DDX10: variants seen among roughly 807,000 people sequenced by gnomAD.
The protein encoded by DDX10 is probable ATP-dependent RNA helicase DDX10.
DDX10 carries 74 observed loss-of-function variants against 104.3 expected under a neutral mutation model. The observed-to-expected ratio is 0.71, with a 90% CI of 0.59 to 0.86. The LOEUF is 0.86. DDX10 is among the 40% of genes least tolerant of loss of function. The pLI, the probability that DDX10 is intolerant of heterozygous loss-of-function variation, is 0.00. For missense variants in DDX10, 952 were observed against 1,040.0 expected (o/e 0.92, Z 1.16); for synonymous variants, 351 against 353.4 (o/e 0.99, Z 0.08).
chr11:108,754,836 G>A (rs944791410), intron 13 of DDX10, among the ~76,000 whole-genome samples: 17 of 152,006 alleles, frequency 1.1e-4, no homozygotes, highest in Non-Finnish European at 2.1e-4. Context: ...TGGGCAACCA[G>A]GAGCATAACA....
chr11:108,777,625 G>A (rs544971051), intron 13 of DDX10, among the ~76,000 whole-genome samples: 1 of 152,214 alleles, frequency 6.6e-6, no homozygotes, highest in African/African-American at 2.4e-5. Flanking sequence ...GTCTGGCCAA[G>A]GGTTCCTTTT....
intron 16 of DDX10, among the ~76,000 whole-genome samples, chr11:108,854,621 GAA>G (rs1718965940): frequency 1.3e-5 from 2 of 152,170 alleles, no homozygotes; most frequent in Admixed American, 1.3e-4. Flanking sequence ...CATAGAAACT[GAA>G]AGTGTAAGAA....
chr11:108,935,850 G>C (rs938690953), intron 17 of DDX10, among the ~76,000 whole-genome samples: 3 of 152,036 alleles, frequency 2.0e-5, no homozygotes, highest in Non-Finnish European at 4.4e-5. Flanking sequence ...TGTTTTCAAT[G>C]ATAATGGTCC....
intron 13 of DDX10, among the ~76,000 whole-genome samples, chr11:108,824,647 T>C (rs985958976): frequency 6.6e-6 from 1 of 152,184 alleles, no homozygotes; most frequent in Non-Finnish European, 1.5e-5. Flanking sequence ...TCTAAATTGC[T>C]TCCAGCTGCT....
At chr11:108,767,211 T>C (rs2094357455) in intron 13 of DDX10, 1 of 152,204 alleles carries the variant, frequency 6.6e-6, no homozygotes, top group African/African-American at 2.4e-5. Flanking sequence ...GAAGTCAGCA[T>C]TGGGATTACT....
intron 10 of DDX10, among the ~76,000 whole-genome samples, chr11:108,709,157 C>T (rs2094280658): frequency 6.6e-6 from 1 of 152,106 alleles, no homozygotes. Context: ...GACATCATTG[C>T]TTTTTTCCTG....
chr11:108,717,407 T>G (rs2094292899), intron 11 of DDX10, among the ~76,000 whole-genome samples: 1 of 152,196 alleles, frequency 6.6e-6, no homozygotes, highest in South Asian at 2.1e-4. Flanking sequence ...CCTCCCGGGT[T>G]CAGGTGATTC....
At chr11:108,764,231 G>C (rs2094353922) in intron 13 of DDX10, among the ~76,000 whole-genome samples, 3 of 152,186 alleles carry the variant, frequency 2.0e-5, no homozygotes, top group African/African-American at 7.2e-5. Context: ...ATCTTCCAGT[G>C]AATTTTGGGT....
chr11:108,717,332 G>C (rs147707399), intron 11 of DDX10, among the ~76,000 whole-genome samples: 2 of 152,124 alleles, frequency 1.3e-5, no homozygotes, highest in East Asian at 3.8e-4. Context: ...TTTTTGATAC[G>C]CAGTTTCGCT....
intron 1 of DDX10, among the ~76,000 whole-genome samples, chr11:108,670,718 T>C (rs1217147606): frequency 6.6e-6 from 1 of 152,166 alleles, no homozygotes; most frequent in Non-Finnish European, 1.5e-5. Flanking sequence ...CTGTTTTTAC[T>C]ATTGCTGAAT....
intron 13 of DDX10, among the ~76,000 whole-genome samples, chr11:108,791,387 G>T (rs1861869065): frequency 6.6e-6 from 1 of 152,304 alleles, no homozygotes; most frequent in African/African-American, 2.4e-5. Flanking sequence ...GTCATGGGGG[G>T]AAAAGTGATC....
intron 15 of DDX10, among the ~76,000 whole-genome samples, chr11:108,847,124 T>C (rs1565297205): frequency 6.6e-6 from 1 of 152,170 alleles, no homozygotes; most frequent in Non-Finnish European, 1.5e-5. Flanking sequence ...GAATCAATCA[T>C]TGGAAATAAA....
At chr11:108,715,593 C>G (rs944476374) in intron 10 of DDX10, among the ~76,000 whole-genome samples, 1 of 152,222 alleles carries the variant, frequency 6.6e-6, no homozygotes, top group African/African-American at 2.4e-5. Flanking sequence ...TACTTTCTAT[C>G]TGTTGAGTTA....
chr11:108,669,559 G>A (rs977563694), intron 1 of DDX10, among the ~76,000 whole-genome samples: 3 of 152,212 alleles, frequency 2.0e-5, no homozygotes, highest in Non-Finnish European at 4.4e-5. Flanking sequence ...GGCTTCAGAT[G>A]GGTTCGAGAA....
At chr11:108,777,075 T>C (rs1165911715) in intron 13 of DDX10, among the ~76,000 whole-genome samples, 5 of 152,236 alleles carry the variant, frequency 3.3e-5, no homozygotes, top group Admixed American at 2.0e-4. Context: ...TAATTTGTTA[T>C]GCAGCAACAG....
intron 16 of DDX10, among the ~76,000 whole-genome samples, chr11:108,915,836 A>G (rs1049218220): frequency 6.6e-6 from 1 of 151,868 alleles, no homozygotes; most frequent in African/African-American, 2.4e-5. Context: ...GAGAGGCCAG[A>G]TTGTCTTTAC....
intron 13 of DDX10, among the ~76,000 whole-genome samples, chr11:108,824,328 T>C (rs2134580579): frequency 6.6e-6 from 1 of 152,344 alleles, no homozygotes; most frequent in Non-Finnish European, 1.5e-5. Flanking sequence ...ACCGCACCTG[T>C]CCTGGGACTT....
intron 13 of DDX10, among the ~76,000 whole-genome samples, chr11:108,837,452 C>A (rs1026495723): frequency 6.6e-6 from 1 of 152,040 alleles, no homozygotes; most frequent in Non-Finnish European, 1.5e-5. Context: ...CCTCTTCCAA[C>A]CCCCTATCTC....
Position 108,691,983 on chromosome 11 carries a change from T to G in DDX10, c.1083T>G (p.Phe361Leu). The G allele has an allele frequency of 6.2e-7, 1 of 1,614,090 alleles. No individual in the cohort carries two copies. Among genetic ancestry groups the G allele is most frequent in the Non-Finnish European group, 8.5e-7 (1 of 1,179,984 alleles). ...QMRRMEVYNE[F>L]VRKRAAVLFA... The stretch of plus-strand genomic sequence containing the variant: ...GAAGAATGGAAGTCTATAATGAGTT[T>G]GTCCGTAAGAGAGCTGCAGTACTCT... Residue 361 changes from phenylalanine (F) to leucine (L), a missense_variant, in exon 8 of 18, where the codon TTT (phenylalanine) becomes TTG (leucine). Phe to Leu is a conservative substitution (Grantham distance 22, BLOSUM62 0). Around this residue, in one of 3 missense-constraint regions of DDX10, gnomAD observed 412 missense variants for 479.2 expected, o/e 0.86. Transcript: ENST00000322536.
Sources: gnomAD v4.1 joint callset for allele counts (sites outside exome capture counted in the v4.1 genomes callset) on GRCh38, gnomAD v4.1.1 for gene constraint, gnomAD v4.1.1 regional missense constraint, MANE v1.5 for transcripts, NCBI Gene and HGNC (gene_info 2026-07-23, HGNC 2026-07-21) for gene names.